The following TYRO3 variants were observed in gnomAD, a reference collection of about 807,000 sequenced individuals.
TYRO3 encodes the protein TYRO3 protein tyrosine kinase.
A neutral mutation model predicts 95.2 loss-of-function variants in TYRO3; 38 were observed. The ratio of observed to expected loss-of-function variants is 0.40; its 90% CI spans 0.31 to 0.52. TYRO3 has a LOEUF of 0.52. Among genes scored for constraint, TYRO3 ranks in the 20% least tolerant of loss-of-function variants. The pLI is 0.56. For synonymous variants in TYRO3, 367 were observed against 432.9 expected, an observed-to-expected ratio of 0.85 and a Z score of 1.89; for missense variants, 812 against 1,116.4, an observed-to-expected ratio of 0.73 and a Z score of 3.89.
At chr15:41,573,582 C>T in intron 17 of TYRO3, 97 bp from the exon 18 acceptor site, 1 of 1,447,124 alleles carries the variant, frequency 6.9e-7, no homozygotes, top group African/African-American at 1.4e-5. Flanking sequence ...CTGATGAGGC[C>T]CTGAGCCCCA....
At chr15:41,562,305 T>C (rs1595499077) in intron 3 of TYRO3, 1 of 299,424 alleles carries the variant, frequency 3.3e-6, no homozygotes, top group Admixed American at 7.4e-5. Flanking sequence ...CTGGGCAACA[T>C]AGAGAGACCT....
At chr15:41,573,949 C>A in intron 18 of TYRO3, 134 bp downstream of exon 18, 6 of 934,728 alleles carry the variant, frequency 6.4e-6, no homozygotes, top group Non-Finnish European at 9.6e-6. Flanking sequence ...GGCTGCACTC[C>A]ACCTCATACT....
At position 41,579,038 on chromosome 15, in the gene TYRO3, A is replaced by G. The variant is rs1292699259; in HGVS notation, c.*762A>G. On this transcript the variant is annotated 3_prime_UTR_variant, in exon 19 of 19. Transcript: ENST00000263798. ...AGTTCAGGAACCCTTCTCCATACCC[A>G]CAATCTGAGCACGCTACCAAATCTC... 6.6e-6 allele frequency: 1 copy of G among 152,664 alleles called. No homozygotes were observed. Among genetic ancestry groups the G allele is most frequent in the African/African-American group, 2.4e-5 (1 of 41,472 alleles). 9.5% of individuals were successfully genotyped at this position (152,664 alleles called of 1,614,324 possible).
At position 41,570,656 on chromosome 15, in the gene TYRO3, C is replaced by T. The variant is rs146082176; in HGVS notation, c.1536C>T (p.Leu512=). 1.0e-4 allele frequency: 166 copies of T among 1,614,190 alleles called. No individual in the cohort carries two copies. The African/African-American group carries it at 2.1e-3, about 20-fold the overall frequency. ...TAAAGGAAAAACTGGAGGATGTGCT[C>T]ATCCCAGAGCAGCAGTTCACCCTGG... The part of the protein sequence containing the change: ...DELKEKLEDV[L]IPEQQFTLGR... The change falls in exon 12 of 19, where the codon CTC becomes CTT. Residue 512 remains leucine, a synonymous_variant. Coordinates refer to ENST00000263798, the MANE Select transcript of TYRO3 (RefSeq NM_006293.4).
In TYRO3 at chr15:41,565,087, G is replaced by T. The variant is rs2055704892; in HGVS notation, c.729G>T (p.Val243=). The T allele has an allele frequency of 6.2e-7, 1 of 1,613,438 alleles. No homozygotes were observed. The stretch of plus-strand genomic sequence containing the variant: ...AGCTTTCCAGCAGCAACGCTAGTGT[G>T]GCCTGGATGCCAGGTGCTGATGGCC... The part of the protein sequence containing the change: ...VTKLSSSNAS[V]AWMPGADGRA... Residue 243 remains valine, a synonymous_variant, in exon 6 of 19, where the codon GTG becomes GTT. Transcript: ENST00000263798.
intron 11 of TYRO3, 46 bp downstream of exon 11, chr15:41,570,386 C>T (rs1284357792): frequency 7.1e-7 from 1 of 1,418,226 alleles, no homozygotes; most frequent in Admixed American, 1.9e-5. Context: ...CTGTCTTGTG[C>T]CCCATCTGCA....
chr15:41,561,226 A>G lies in TYRO3; in HGVS notation c.224A>G (p.Gln75Arg), dbSNP rs757217563. The G allele has an allele frequency of 5.0e-6, 8 of 1,614,224 alleles. No individual in the cohort carries two copies. The highest frequency in any genetic ancestry group is 6.8e-6 in the Non-Finnish European group (8 of 1,180,030). The change falls in exon 2 of 19, where the codon CAG becomes CGG. Residue 75 changes from glutamine to arginine, a missense_variant. Physicochemically the swap from Gln to Arg is conservative, Grantham distance 43 (BLOSUM62 1). Transcript: ENST00000263798. ...SVEGMEEPDI[Q>R]WVKDGAVVQN... Reference sequence around the variant, plus strand: ...GAGGGGATGGAGGAGCCTGACATCCAGTGGGTGAAGGATGGGGCTGTGGTC... The same window carrying G: ...GAGGGGATGGAGGAGCCTGACATCCGGTGGGTGAAGGATGGGGCTGTGGTC...
At chr15:41,574,633 C>T (rs923609455) in intron 18 of TYRO3, 5 of 456,040 alleles carry the variant, frequency 1.1e-5, no homozygotes, top group South Asian at 6.2e-5. Flanking sequence ...TTTATGACAA[C>T]AACTGTGATT....
chr15:41,574,144 A>G (rs1026334192), intron 18 of TYRO3, among the ~76,000 whole-genome samples: 1 of 152,118 alleles, frequency 6.6e-6, no homozygotes, highest in South Asian at 2.1e-4. Context: ...CCCACCCGTC[A>G]TTCCTTTTCT....
chr15:41,562,455 C>T (rs1233617330), intron 3 of TYRO3, 93 bp from the exon 4 acceptor site: 9 of 1,416,070 alleles, frequency 6.4e-6, no homozygotes, highest in Non-Finnish European at 8.7e-6. Context: ...GAACCTTCTG[C>T]GTGGAGGACT....
chr15:41,569,896 AGCCC>A (rs2055772490), intron 9 of TYRO3, 127 bp from the exon 10 acceptor site: 2 of 1,166,576 alleles, frequency 1.7e-6, no homozygotes, highest in Admixed American at 2.6e-5. Context: ...ATTCCTCTGG[AGCCC>A]CTTTCCCTCA....
chr15:41,576,668 T>TA (rs2055864350), intron 18 of TYRO3, among the ~76,000 whole-genome samples: 86 of 127,830 alleles, frequency 6.7e-4, no homozygotes, highest in East Asian at 2.7e-3. Flanking sequence ...TTTTTTTTTT[T>TA]TAAAAAAAAA....
In TYRO3 at chr15:41,577,877, C is replaced by G; in HGVS notation, c.2283-9C>G. ...CTCCTGCCTTTTCTCACGCTTCTCT[C>G]CACCCCAGGTATGATCTCATGTACC... On this transcript the variant is annotated splice_polypyrimidine_tract_variant and intron_variant, in intron 18 of 18. Coordinates refer to ENST00000263798, the MANE Select transcript of TYRO3 (RefSeq NM_006293.4). The G allele has an allele frequency of 9.9e-6, 12 of 1,207,040 alleles. No homozygotes were observed. The highest frequency in any genetic ancestry group is 1.4e-5 in the Non-Finnish European group (12 of 875,068). 74.8% of individuals were successfully genotyped at this position (1,207,040 alleles called of 1,614,324 possible). A position where few individuals can be genotyped will look rare whatever the true frequency, so the allele number is the denominator to read the frequency against.
At position 41,578,283 on chromosome 15, in the gene TYRO3, G is replaced by A. The variant is rs1432216393; in HGVS notation, c.*7G>A. On this transcript the variant is annotated 3_prime_UTR_variant, in exon 19 of 19. Transcript: ENST00000263798. ...GCCACACAGTAGCTGTTAGCCCACA[G>A]GCAGAGGGCATCGGGGCCATTTGGC... 2 of 1,613,152 alleles carry A rather than the reference G, an allele frequency of 1.2e-6. No individual in the cohort carries two copies. Among genetic ancestry groups the A allele is most frequent in the African/African-American group, 1.3e-5 (1 of 75,064 alleles).
chr15:41,576,839 T>C lies in TYRO3; in HGVS notation c.2283-1047T>C, dbSNP rs908741201. ...ACCATACCTTGCTTATTAATTTTTT[T>C]TTTTAATAGAGACATGGTCTCGCTA... is the stretch of plus-strand genomic sequence containing the variant. On this transcript the variant is annotated intron_variant, in intron 18 of 18. Coordinates refer to ENST00000263798, the MANE Select transcript of TYRO3 (RefSeq NM_006293.4). Among the ~76,000 whole-genome samples, 4 of 151,834 alleles carry C rather than the reference T, an allele frequency of 2.6e-5. No homozygotes were observed. In the South Asian group the frequency reaches 8.3e-4, roughly 32 times the overall value.
chr15:41,559,582 G>A (rs1421427783), intron 1 of TYRO3, among the ~76,000 whole-genome samples: 1 of 152,232 alleles, frequency 6.6e-6, no homozygotes, highest in African/African-American at 2.4e-5. Context: ...CAACTTTCTG[G>A]CGCTCGGGGC....
intron 13 of TYRO3, 88 bp downstream of exon 13, chr15:41,571,206 A>G: frequency 7.8e-7 from 1 of 1,290,000 alleles, no homozygotes; most frequent in Non-Finnish European, 1.1e-6. Flanking sequence ...CTTTGCCCCT[A>G]GATTTTCCAA....
At chr15:41,568,134 T>C (rs2055747551) in intron 7 of TYRO3, 83 bp from the exon 8 acceptor site, 2 of 1,570,126 alleles carry the variant, frequency 1.3e-6, no homozygotes. Flanking sequence ...GTTTAGTTCT[T>C]GGGAGTTGAT....
In TYRO3 at chr15:41,559,278, G is replaced by T; in HGVS notation, c.21G>T (p.Met7Ile). 2.0e-6 allele frequency: 1 copy of T among 494,094 alleles called. No homozygotes were observed. The highest frequency in any genetic ancestry group is 9.0e-5 in the South Asian group (1 of 11,154). 30.6% of individuals were successfully genotyped at this position (494,094 alleles called of 1,614,324 possible). Residue 7 changes from methionine to isoleucine, a missense_variant, in exon 1 of 19, where the codon ATG (methionine) becomes ATT (isoleucine). By Grantham distance (10) the Met-to-Ile change is conservative. Coordinates refer to ENST00000263798, the MANE Select transcript of TYRO3 (RefSeq NM_006293.4). MALRRS[M>I]GRPGLPPLPL... ...CGCCGATGGCGCTGAGGCGGAGCAT[G>T]GGGCGGCCGGGGCTCCCGCCGCTGC...
Sources: gnomAD v4.1 joint callset for allele counts (sites outside exome capture counted in the v4.1 genomes callset) on GRCh38, gnomAD v4.1.1 for gene constraint, MANE v1.5 for transcripts, NCBI Gene and HGNC (gene_info 2026-07-23, HGNC 2026-07-21) for gene names.